The following SIPA1L1 variants were observed in gnomAD, a reference collection of about 807,000 sequenced individuals.
SIPA1L1 encodes the protein signal induced proliferation associated 1 like 1.
In SIPA1L1, 26 loss-of-function variants were observed where a neutral mutation model predicts 162.7. That is an observed-to-expected ratio of 0.16 (90% CI 0.12 to 0.22). The LOEUF is 0.22. SIPA1L1 is among the 10% of genes least tolerant of loss of function. SIPA1L1 has a pLI of 1.00. For synonymous variants in SIPA1L1, 829 were observed against 837.4 expected, an observed-to-expected ratio of 0.99 and a Z score of 0.17; for missense variants, 1,874 against 2,241.0, an observed-to-expected ratio of 0.84 and a Z score of 3.31.
chr14:71,404,609 T>C (rs2041914682), intron 2 of SIPA1L1, among the ~76,000 whole-genome samples: 1 of 152,216 alleles, frequency 6.6e-6, no homozygotes. Context: ...TGATTTCACT[T>C]AAGTTATACA....
At chr14:71,459,244 A>G (rs1185328051) in intron 2 of SIPA1L1, among the ~76,000 whole-genome samples, 2 of 152,280 alleles carry the variant, frequency 1.3e-5, no homozygotes, top group East Asian at 3.9e-4. Flanking sequence ...TGGCGGGAAC[A>G]TACTACAGAT....
At chr14:71,607,202 C>G (rs763503671) in intron 5 of SIPA1L1, among the ~76,000 whole-genome samples, 6 of 151,564 alleles carry the variant, frequency 4.0e-5, no homozygotes, top group Admixed American at 2.0e-4. Flanking sequence ...CAGAACTTCA[C>G]TATGAACAAT....
chr14:71,338,751 A>AT (rs1228717100), intron 2 of SIPA1L1, among the ~76,000 whole-genome samples: 1 of 151,646 alleles, frequency 6.6e-6, no homozygotes, highest in Non-Finnish European at 1.5e-5. Flanking sequence ...TATTATTATT[A>AT]TTTTTTGAGA....
intron 2 of SIPA1L1, among the ~76,000 whole-genome samples, chr14:71,437,327 G>A (rs1437708658): frequency 1.3e-5 from 2 of 152,026 alleles, no homozygotes; most frequent in Non-Finnish European, 2.9e-5. Flanking sequence ...CAGCCTGGGC[G>A]ATAGTGAGAC....
chr14:71,616,906 G>A (rs1477223129), intron 5 of SIPA1L1, among the ~76,000 whole-genome samples: 4 of 152,266 alleles, frequency 2.6e-5, no homozygotes, highest in East Asian at 1.9e-4. Context: ...GCAGAGAACT[G>A]CCATGCCACC....
chr14:71,713,053 A>G (rs946659519), intron 17 of SIPA1L1, among the ~76,000 whole-genome samples: 4 of 152,206 alleles, frequency 2.6e-5, no homozygotes, highest in East Asian at 1.9e-4. Context: ...ATACATGCCA[A>G]TGAGCAAATA....
chr14:71,517,312 A>T (rs1019944741), intron 3 of SIPA1L1, among the ~76,000 whole-genome samples: 58 of 152,102 alleles, frequency 3.8e-4, no homozygotes, highest in Non-Finnish European at 6.2e-4. Context: ...AATTAAAAAA[A>T]TTTTTTTTGG....
intron 2 of SIPA1L1, among the ~76,000 whole-genome samples, chr14:71,323,969 A>C (rs2033477436): frequency 6.6e-6 from 1 of 152,200 alleles, no homozygotes; most frequent in South Asian, 2.1e-4. Flanking sequence ...TTTTGAAATA[A>C]TGTAACCTAG....
Position 71,699,142 on chromosome 14 carries a change from G to C in SIPA1L1, c.3521+15G>C, listed in dbSNP as rs754176807. The C allele has an allele frequency of 1.2e-6, 2 of 1,613,560 alleles. No individual in the cohort carries two copies. Among genetic ancestry groups the C allele is most frequent in the East Asian group, 4.5e-5 (2 of 44,878 alleles). ...ATGCCCGAAGGGTAGTTATGCGTTT[G>C]TCCCATTGTACATGGTCCCTGTTGG... On this transcript the variant is annotated intron_variant, in intron 14 of 23. Transcript: ENST00000381232.
At chr14:71,727,838 C>T (rs2084382532) in intron 19 of SIPA1L1, among the ~76,000 whole-genome samples, 1 of 152,236 alleles carries the variant, frequency 6.6e-6, no homozygotes, top group Non-Finnish European at 1.5e-5. Flanking sequence ...GCCATCTCAA[C>T]ATTCTTGGAC....
rs144460085 is a variant in SIPA1L1, at chr14:71,703,555, A to G, written c.3646+1050A>G. On this transcript the variant is annotated intron_variant, in intron 15 of 23. Transcript: ENST00000381232. The stretch of plus-strand genomic sequence containing the variant: ...AAGCCATCTGTCATTCTCCACTCTT[A>G]TCCTACCCACCCCTACACAGAAAAC... 9.2e-5 allele frequency among the ~76,000 whole-genome samples: 14 copies of G among 152,308 alleles called. No homozygotes were observed. The East Asian group carries it at 2.7e-3, about 29-fold the overall frequency.
chr14:71,721,198 C>A (rs980534397), intron 17 of SIPA1L1, among the ~76,000 whole-genome samples: 2 of 152,150 alleles, frequency 1.3e-5, no homozygotes, highest in African/African-American at 4.8e-5. Context: ...TTTGACTCAC[C>A]AACTCCAAGA....
At chr14:71,725,109 T>G (rs1221305028) in intron 19 of SIPA1L1, among the ~76,000 whole-genome samples, 1 of 152,212 alleles carries the variant, frequency 6.6e-6, no homozygotes, top group Non-Finnish European at 1.5e-5. Context: ...GAGTGCATGA[T>G]TCCCTGAACA....
In SIPA1L1 at chr14:71,730,930, G is replaced by T. The variant is rs188246576; in HGVS notation, c.4861+629G>T. Among the ~76,000 whole-genome samples the T allele has an allele frequency of 3.7e-4, 57 of 152,210 alleles. No individual in the cohort carries two copies. The East Asian group carries it at 8.7e-3, about 23-fold the overall frequency. On this transcript the variant is annotated intron_variant, in intron 20 of 23. Coordinates refer to ENST00000381232, the MANE Select transcript of SIPA1L1 (RefSeq NM_001386936.1). ...TTCTGGCACTCGGGATTTAAATTTGGTTTTTCCCTTTTTCCTGTCTCTGTC... is the reference window on the plus strand; with the variant it reads ...TTCTGGCACTCGGGATTTAAATTTGTTTTTTCCCTTTTTCCTGTCTCTGTC...
At chr14:71,562,926 A>G (rs960768202) in intron 4 of SIPA1L1, among the ~76,000 whole-genome samples, 4 of 152,180 alleles carry the variant, frequency 2.6e-5, no homozygotes, top group African/African-American at 9.7e-5. Context: ...AAGTGCTAGG[A>G]TTACAGGCGT....
chr14:71,405,748 C>T (rs930860795), intron 2 of SIPA1L1, among the ~76,000 whole-genome samples: 8 of 152,300 alleles, frequency 5.3e-5, no homozygotes, highest in Non-Finnish European at 7.3e-5. Context: ...TTGGCTACTG[C>T]TACTGCTGTA....
chr14:71,338,417 G>A (rs1253425026), intron 2 of SIPA1L1, among the ~76,000 whole-genome samples: 1 of 152,198 alleles, frequency 6.6e-6, no homozygotes, highest in Admixed American at 6.5e-5. Context: ...GGACTTTGCT[G>A]GTCCAGGTGC....
intron 3 of SIPA1L1, among the ~76,000 whole-genome samples, chr14:71,521,532 T>A (rs2052353493): frequency 6.6e-6 from 1 of 152,240 alleles, no homozygotes. Flanking sequence ...AGAATTCTTT[T>A]ATGGCCTACT....
chr14:71,374,245 G>T (rs986688062), intron 2 of SIPA1L1, among the ~76,000 whole-genome samples: 3 of 152,032 alleles, frequency 2.0e-5, no homozygotes, highest in African/African-American at 7.3e-5. Flanking sequence ...ATATAGGACT[G>T]TTTTTGTAGT....
Sources: gnomAD v4.1 joint callset for allele counts (sites outside exome capture counted in the v4.1 genomes callset) on GRCh38, gnomAD v4.1.1 for gene constraint, MANE v1.5 for transcripts, NCBI Gene and HGNC (gene_info 2026-07-23, HGNC 2026-07-21) for gene names.